RCAN3: variants seen among roughly 807,000 people sequenced by gnomAD.
RCAN3 encodes the protein regulator of calcineurin 3.
RCAN3 carries 19 observed loss-of-function variants against 21.9 expected under a neutral mutation model. That is an observed-to-expected ratio of 0.87 (90% CI 0.61 to 1.27). The LOEUF is 1.27. RCAN3 is among the 50% of genes most tolerant of loss of function. RCAN3 has a pLI of 0.00. For missense variants in RCAN3, 240 were observed against 300.1 expected (o/e 0.80, Z 1.48); for synonymous variants, 114 against 112.3 (o/e 1.01, Z -0.09).
intron 2 of RCAN3, among the ~76,000 whole-genome samples, chr1:24,518,669 T>C (rs1648539933): frequency 2.0e-5 from 3 of 152,176 alleles, no homozygotes; most frequent in Admixed American, 2.0e-4. Context: ...CATAGGTCAC[T>C]GCAGCCTTGA....
rs58478223 is a variant in RCAN3, at chr1:24,538,562, G to A, written c.*3285G>A. On this transcript the variant is annotated 3_prime_UTR_variant, in exon 5 of 5. Transcript: ENST00000374395. ...TGGGACTACAGGCGCCCGCTCCCACGCCCGGCTAATTTTTTTTTTTTTTTT... is the reference window on the plus strand; with the variant it reads ...TGGGACTACAGGCGCCCGCTCCCACACCCGGCTAATTTTTTTTTTTTTTTT... 0.079 allele frequency: 11,053 copies of A among 140,794 alleles called. 997 individuals are homozygous for A. Among genetic ancestry groups the A allele is most frequent in the African/African-American group, 0.24 (8,555 of 36,336 alleles). The allele number at this position is 140,794 out of a possible 1,614,324, so 8.7% of individuals were successfully genotyped here.
intron 3 of RCAN3, among the ~76,000 whole-genome samples, chr1:24,531,997 T>G (rs1231662308): frequency 6.6e-6 from 1 of 152,180 alleles, no homozygotes; most frequent in Non-Finnish European, 1.5e-5. Context: ...TGCACTGTTT[T>G]ATTTTCAAAA....
Position 24,532,215 on chromosome 1 carries a change from T to C in RCAN3, c.369+824T>C, listed in dbSNP as rs534720530. Among the ~76,000 whole-genome samples the C allele has an allele frequency of 2.6e-5, 4 of 151,930 alleles. No individual in the cohort carries two copies. The South Asian group carries it at 8.3e-4, about 32-fold the overall frequency. On this transcript the variant is annotated intron_variant, in intron 3 of 4. Coordinates refer to ENST00000374395, the MANE Select transcript of RCAN3 (RefSeq NM_013441.4). ...TTTCTCTCTTCATCCATTTATTTAT[T>C]TATTTATTATTTTTATTTTTTTATT...
At chr1:24,511,285 C>T (rs1383484308) in intron 1 of RCAN3, among the ~76,000 whole-genome samples, 3 of 152,122 alleles carry the variant, frequency 2.0e-5, no homozygotes, top group African/African-American at 7.2e-5. Context: ...TGCACTCCAG[C>T]CTGGGCGACA....
chr1:24,505,825 G>C (rs1369691903), intron 1 of RCAN3, among the ~76,000 whole-genome samples: 1 of 152,182 alleles, frequency 6.6e-6, no homozygotes, highest in Non-Finnish European at 1.5e-5. Context: ...AAGTTGGGAA[G>C]CCTATTAATT....
intron 1 of RCAN3, among the ~76,000 whole-genome samples, chr1:24,511,705 G>T (rs1248944791): frequency 6.6e-6 from 1 of 152,228 alleles, no homozygotes; most frequent in African/African-American, 2.4e-5. Context: ...GAACATGTCA[G>T]ACATGAAGTG....
At chr1:24,534,813 A>G (rs1378017588) in intron 4 of RCAN3, among the ~76,000 whole-genome samples, 3 of 152,222 alleles carry the variant, frequency 2.0e-5, no homozygotes, top group African/African-American at 7.2e-5. Context: ...AAATAAATTA[A>G]TTAATTAAAC....
chr1:24,524,140 G>T (rs1275226152), intron 2 of RCAN3, among the ~76,000 whole-genome samples: 2 of 152,158 alleles, frequency 1.3e-5, no homozygotes, highest in Non-Finnish European at 2.9e-5. Context: ...TGAGGCAGGA[G>T]AATCGCTTGA....
Position 24,533,124 on chromosome 1 carries a change from G to GCCACC in RCAN3, c.413_414insACCCC (p.Gln140ArgfsTer30). ...AAGTGCGGGACAAGTCCTATCTCCT[G>GCCACC]CCGCCCCAGCCTGTCAAGCAGTTCC... On this transcript the variant is annotated frameshift_variant, in exon 4 of 5. Transcript: ENST00000374395. LOFTEE classifies it high-confidence loss of function. 1.3e-6 allele frequency: 2 copies of GCCACC among 1,563,402 alleles called. No individual in the cohort carries two copies. Among genetic ancestry groups the GCCACC allele is most frequent in the Non-Finnish European group, 1.7e-6 (2 of 1,157,098 alleles).
intron 4 of RCAN3, among the ~76,000 whole-genome samples, chr1:24,534,562 G>A (rs976988801): frequency 6.8e-6 from 1 of 147,524 alleles, no homozygotes; most frequent in Non-Finnish European, 1.5e-5. Flanking sequence ...AGCCGAGGTC[G>A]CACCACTGCA....
At position 24,538,155 on chromosome 1, in the gene RCAN3, A is replaced by T. The variant is rs1650330220; in HGVS notation, c.*2878A>T. The stretch of plus-strand genomic sequence containing the variant: ...ACCTGATGAAACCAAAGACAAATCC[A>T]TGTAAAAAGTGTTCCAGTGAGCATC... On this transcript the variant is annotated 3_prime_UTR_variant, in exon 5 of 5. Coordinates refer to ENST00000374395, the MANE Select transcript of RCAN3 (RefSeq NM_013441.4). 6.6e-6 allele frequency: 1 copy of T among 152,224 alleles called. No individual in the cohort carries two copies. The highest frequency in any genetic ancestry group is 2.1e-4 in the South Asian group (1 of 4,834). The allele number at this position is 152,224 out of a possible 1,614,324, so 9.4% of individuals were successfully genotyped here. A position where few individuals can be genotyped will look rare whatever the true frequency, so the allele number is the denominator to read the frequency against.
chr1:24,538,716 T>TA lies in RCAN3; in HGVS notation c.*3442dup, dbSNP rs1650365069. 2 of 151,964 alleles carry TA rather than the reference T, an allele frequency of 1.3e-5. No homozygotes were observed. 9.4% of individuals were successfully genotyped at this position (151,964 alleles called of 1,614,324 possible). A position where few individuals can be genotyped will look rare whatever the true frequency, so the allele number is the denominator to read the frequency against. ...AGGCGTGAGCCACTGCGCCCGGCCT[T>TA]AAATAAAATATTGTAGTCATTAATG... On this transcript the variant is annotated 3_prime_UTR_variant, in exon 5 of 5. Transcript: ENST00000374395.
At chr1:24,519,103 G>A (rs1431350301) in intron 2 of RCAN3, among the ~76,000 whole-genome samples, 25 of 151,982 alleles carry the variant, frequency 1.6e-4, no homozygotes. Context: ...TAGAGATAGA[G>A]TTTCGCCATG....
chr1:24,533,135 C>T lies in RCAN3; in HGVS notation c.422C>T (p.Pro141Leu), dbSNP rs1227957438. 1 of 1,589,838 alleles carries T rather than the reference C, an allele frequency of 6.3e-7. No individual in the cohort carries two copies. Among genetic ancestry groups the T allele is most frequent in the Non-Finnish European group, 8.5e-7 (1 of 1,170,490 alleles). ...AAGTCCTATCTCCTGCCGCCCCAGC[C>T]TGTCAAGCAGTTCCTCATCTCCCCT... is the stretch of plus-strand genomic sequence containing the variant. ...RDKSYLLPPQPVKQFLISPPA... is the reference protein window; with the variant it reads ...RDKSYLLPPQLVKQFLISPPA... The change falls in exon 4 of 5, where the codon CCT becomes CTT. Residue 141 changes from proline to leucine, a missense_variant. Coordinates refer to ENST00000374395, the MANE Select transcript of RCAN3 (RefSeq NM_013441.4).
chr1:24,525,966 G>A lies in RCAN3; in HGVS notation c.196-5252G>A, dbSNP rs1281178661. The stretch of plus-strand genomic sequence containing the variant: ...ATGCTTCCAAAGCACCTCACAGCTA[G>A]AATTCACGTATTTCATAACCATATT... On this transcript the variant is annotated intron_variant, in intron 2 of 4. Transcript: ENST00000374395. The surrounding 1 kb of genome is among the most constrained non-coding windows in gnomAD (Gnocchi z 4.1). 1.3e-5 allele frequency among the ~76,000 whole-genome samples: 2 copies of A among 152,166 alleles called. No homozygotes were observed. The highest frequency in any genetic ancestry group is 2.9e-5 in the Non-Finnish European group (2 of 68,016).
In RCAN3 at chr1:24,536,174, G is replaced by GT. The variant is rs1168886890; in HGVS notation, c.*903dup. Reference sequence around the variant, plus strand: ...TATCTTGTTAACCACTAGTTCTTGAGTTTTTTGGCTATGATGTGTACGTTT... The same window carrying GT: ...TATCTTGTTAACCACTAGTTCTTGAGTTTTTTTGGCTATGATGTGTACGTTT... On this transcript the variant is annotated 3_prime_UTR_variant, in exon 5 of 5. Coordinates refer to ENST00000374395, the MANE Select transcript of RCAN3 (RefSeq NM_013441.4). The GT allele has an allele frequency of 1.3e-5, 2 of 152,190 alleles. No homozygotes were observed. The highest frequency in any genetic ancestry group is 2.9e-5 in the Non-Finnish European group (2 of 68,040). The allele number at this position is 152,190 out of a possible 1,614,324, so 9.4% of individuals were successfully genotyped here.
Position 24,509,178 on chromosome 1 carries a change from A to C in RCAN3, c.-59-5136A>C, listed in dbSNP as rs555638531. Among the ~76,000 whole-genome samples, 42 of 152,302 alleles carry C rather than the reference A, an allele frequency of 2.8e-4. 1 individual carries two copies. The highest frequency in any genetic ancestry group is 9.4e-4 in the African/African-American group (39 of 41,560). On this transcript the variant is annotated intron_variant, in intron 1 of 4. Transcript: ENST00000374395. ...CCCACCCCATCTCAAAAAATAATGC[A>C]AACGATTAAGTCGTAATCTTTTTGT...
At chr1:24,515,532 T>C (rs532966077) in intron 2 of RCAN3, among the ~76,000 whole-genome samples, 1 of 151,964 alleles carries the variant, frequency 6.6e-6, no homozygotes, top group Non-Finnish European at 1.5e-5. Flanking sequence ...AAAAGTAAAA[T>C]AGCTCTGCCA....
chr1:24,522,616 C>G (rs1336584725), intron 2 of RCAN3, among the ~76,000 whole-genome samples: 3 of 152,126 alleles, frequency 2.0e-5, no homozygotes, highest in African/African-American at 7.2e-5. Context: ...TGCCACTGTT[C>G]CCAGGCCTCC....
Sources: allele counts gnomAD v4.1 joint callset (sites outside exome capture counted in the v4.1 genomes callset), GRCh38; gene constraint gnomAD v4.1.1; non-coding constraint Gnocchi (gnomAD v3.1); transcripts MANE v1.5; gene names NCBI Gene and HGNC (gene_info 2026-07-23, HGNC 2026-07-21).